Variants in GRM7 observed in about 807,000 individuals in gnomAD.
The protein encoded by GRM7 is metabotropic glutamate receptor 7.
In GRM7, 35 loss-of-function variants were observed where a neutral mutation model predicts 84.5. The ratio of observed to expected loss-of-function variants is 0.41; its 90% CI spans 0.32 to 0.55. The LOEUF is 0.55. Ranked by LOEUF, GRM7 falls within the 20% of genes least tolerant of loss-of-function variation. The pLI is 0.19. For synonymous variants in GRM7, 487 were observed against 455.1 expected (o/e 1.07, Z -0.89); for missense variants, 1,003 against 1,194.6 (o/e 0.84, Z 2.36).
chr3:7,424,967 G>A (rs1696543354), intron 5 of GRM7, among the ~76,000 whole-genome samples: 1 of 152,152 alleles, frequency 6.6e-6, no homozygotes, highest in Admixed American at 6.5e-5. Flanking sequence ...TGATGAAATT[G>A]TGGTTCAGAT....
intron 1 of GRM7, among the ~76,000 whole-genome samples, chr3:7,081,166 C>G (rs766579643): frequency 6.6e-6 from 1 of 151,938 alleles, no homozygotes; most frequent in Non-Finnish European, 1.5e-5. Flanking sequence ...TTATGCCTCA[C>G]GTTATTGCAT....
chr3:7,302,897 C>G (rs889088856), intron 3 of GRM7, among the ~76,000 whole-genome samples: 4 of 145,146 alleles, frequency 2.8e-5, no homozygotes, highest in African/African-American at 1.1e-4. Flanking sequence ...AAAGTGGTAT[C>G]TCTAGGCCAG....
intron 8 of GRM7, among the ~76,000 whole-genome samples, chr3:7,675,473 G>A (rs1412561360): frequency 6.6e-6 from 1 of 152,136 alleles, no homozygotes; most frequent in Non-Finnish European, 1.5e-5. Context: ...ACGGAACTCA[G>A]TTAGCACTAA....
chr3:7,176,270 G>T (rs1244319686), intron 2 of GRM7, among the ~76,000 whole-genome samples: 1 of 142,520 alleles, frequency 7.0e-6, no homozygotes, highest in Non-Finnish European at 1.5e-5. Context: ...AAATAGCTGG[G>T]TGTGGTGGTG....
chr3:7,606,361 T>C (rs1221699254), intron 8 of GRM7, among the ~76,000 whole-genome samples: 1 of 152,200 alleles, frequency 6.6e-6, no homozygotes, highest in East Asian at 1.9e-4. Flanking sequence ...GAAAGCCTTA[T>C]GGTTTTTTAT....
chr3:7,082,353 A>G (rs1698302244), intron 1 of GRM7, among the ~76,000 whole-genome samples: 1 of 152,112 alleles, frequency 6.6e-6, no homozygotes, highest in Non-Finnish European at 1.5e-5. Flanking sequence ...AACCTGGATG[A>G]CAGCACAGTT....
intron 2 of GRM7, among the ~76,000 whole-genome samples, chr3:7,182,769 C>A (rs1280819058): frequency 1.3e-5 from 2 of 152,032 alleles, no homozygotes; most frequent in African/African-American, 4.8e-5. Context: ...GGAAATCTTT[C>A]TTTGATGATT....
intron 1 of GRM7, among the ~76,000 whole-genome samples, chr3:6,916,993 C>T (rs1696962677): frequency 6.6e-6 from 1 of 151,958 alleles, no homozygotes; most frequent in African/African-American, 2.4e-5. Context: ...TAGATGTTTC[C>T]TTTTTATTGG....
chr3:7,491,879 A>G (rs756201298), intron 7 of GRM7, among the ~76,000 whole-genome samples: 3 of 152,186 alleles, frequency 2.0e-5, no homozygotes, highest in African/African-American at 7.2e-5. Context: ...TGCTACATAT[A>G]TAACAGAACA....
At chr3:7,186,817 T>A (rs921010160) in intron 2 of GRM7, among the ~76,000 whole-genome samples, 1 of 152,248 alleles carries the variant, frequency 6.6e-6, no homozygotes, top group African/African-American at 2.4e-5. Context: ...CTTCTATTGT[T>A]AGTAATTTCA....
chr3:7,125,004 G>T (rs1261359175), intron 1 of GRM7, among the ~76,000 whole-genome samples: 1 of 152,030 alleles, frequency 6.6e-6, no homozygotes, highest in Non-Finnish European at 1.5e-5. Context: ...AGTGGCGCGG[G>T]TCTCAGCTCA....
At chr3:7,545,376 G>C (rs1693097113) in intron 7 of GRM7, among the ~76,000 whole-genome samples, 1 of 152,178 alleles carries the variant, frequency 6.6e-6, no homozygotes, top group African/African-American at 2.4e-5. Context: ...ACTCATCCTT[G>C]ATCGGAACAA....
intron 4 of GRM7, among the ~76,000 whole-genome samples, chr3:7,361,619 T>A (rs538571980): frequency 9.1e-4 from 139 of 152,186 alleles, no homozygotes; most frequent in African/African-American, 3.2e-3. Flanking sequence ...TTGGAGCCAC[T>A]TCAGGAATAC....
chr3:7,506,733 G>T (rs1700050476), intron 7 of GRM7, among the ~76,000 whole-genome samples: 1 of 152,134 alleles, frequency 6.6e-6, no homozygotes, highest in East Asian at 1.9e-4. Context: ...GTCAGATACA[G>T]TTTATTTTTA....
chr3:7,465,518 G>C (rs1357442449), intron 7 of GRM7, among the ~76,000 whole-genome samples: 1 of 152,144 alleles, frequency 6.6e-6, no homozygotes, highest in East Asian at 1.9e-4. Context: ...CCTATCCAAT[G>C]ATTGGTTTCT....
chr3:7,399,182 T>C (rs201340928), intron 4 of GRM7, among the ~76,000 whole-genome samples: 5 of 10,110 alleles, frequency 4.9e-4, no homozygotes, highest in Non-Finnish European at 1.8e-3. Flanking sequence ...ACAAGAACAA[T>C]AATAATAATA....
At chr3:7,616,235 T>C (rs1484913664) in intron 8 of GRM7, among the ~76,000 whole-genome samples, 1 of 152,184 alleles carries the variant, frequency 6.6e-6, no homozygotes, top group African/African-American at 2.4e-5. Context: ...TTTTTGAAGC[T>C]TCTTAAATGA....
At chr3:7,361,072 G>A (rs1395912774) in intron 4 of GRM7, among the ~76,000 whole-genome samples, 1 of 152,030 alleles carries the variant, frequency 6.6e-6, no homozygotes, top group African/African-American at 2.4e-5. Context: ...GATTAATTAG[G>A]ACTTCCAAGT....
At chr3:7,458,317 C>T (rs1698103596) in intron 6 of GRM7, among the ~76,000 whole-genome samples, 1 of 152,178 alleles carries the variant, frequency 6.6e-6, no homozygotes, top group South Asian at 2.1e-4. Flanking sequence ...GTGGGCATCT[C>T]TGTGGGGAAT....
Sources: allele counts gnomAD v4.1 joint callset (sites outside exome capture counted in the v4.1 genomes callset), GRCh38; gene constraint gnomAD v4.1.1; transcripts MANE v1.5; gene names NCBI Gene and HGNC (gene_info 2026-07-23, HGNC 2026-07-21).